ARMC6: variants seen among roughly 807,000 people sequenced by gnomAD.
The protein encoded by ARMC6 is armadillo repeat-containing protein 6.
Under a neutral mutation model 49.2 loss-of-function variants are expected in ARMC6, and 43 were observed. The observed-to-expected ratio is 0.87, with a 90% CI of 0.69 to 1.13. The LOEUF (loss-of-function observed/expected upper bound fraction) is 1.13. Among genes scored for constraint, ARMC6 ranks in the 50% most tolerant of loss-of-function variants. ARMC6 has a pLI of 0.00. For missense variants in ARMC6, 627 were observed against 682.0 expected, an observed-to-expected ratio of 0.92 and a Z score of 0.90; for synonymous variants, 262 against 289.6, an observed-to-expected ratio of 0.90 and a Z score of 0.97.
At chr19:19,034,007 C>T (rs2059306027) in intron 1 of ARMC6, 77 bp downstream of exon 1, 1 of 558,382 alleles carries the variant, frequency 1.8e-6, no homozygotes, top group African/African-American at 2.0e-5. Context: ...GCTGGCGCGA[C>T]CCTCGGGTAC....
intron 4 of ARMC6, among the ~76,000 whole-genome samples, chr19:19,045,104 A>G (rs1303633611): frequency 1.3e-5 from 2 of 151,886 alleles, no homozygotes; most frequent in Non-Finnish European, 2.9e-5. Context: ...TCCACCTCCC[A>G]GATTCAAGTG....
In ARMC6 at chr19:19,051,651, C is replaced by T. The variant is rs772851116; in HGVS notation, c.309C>T (p.Ala103=). The change falls in exon 5 of 9, where the codon GCC becomes GCT. Residue 103 remains alanine (A), a synonymous_variant. Transcript: ENST00000535612. ...TCAGTGACCTCCAGGAGTCTGTGGC[C>T]AGCTCTCGCCCCCAGGAGGTGTCAG... is the stretch of plus-strand genomic sequence containing the variant. The part of the protein sequence containing the change: ...QMLSDLQESV[A]SSRPQEVSAY... The T allele has an allele frequency of 1.8e-5, 29 of 1,608,264 alleles. No individual in the cohort carries two copies. The South Asian group carries it at 3.0e-4, about 17-fold the overall frequency.
chr19:19,054,160 GATA>G lies in ARMC6; in HGVS notation c.864_866del (p.Asn289del), dbSNP rs778287977. On this transcript the variant is annotated inframe_deletion, in exon 6 of 9. Coordinates refer to ENST00000535612, the MANE Select transcript of ARMC6 (RefSeq NM_001199196.2). ...TCCCTTTCTCCCTGCAGCGTTCCTG[GATA>G]ACCCTGGCATCCTGAGCGAGCTCTG... 103 of 1,578,180 alleles carry G rather than the reference GATA, an allele frequency of 6.5e-5. No homozygotes were observed. The highest frequency in any genetic ancestry group is 8.1e-5 in the Non-Finnish European group (94 of 1,161,730).
In ARMC6 at chr19:19,058,039, T is replaced by C. The variant is rs1568500141; in HGVS notation, c.*411T>C. On this transcript the variant is annotated 3_prime_UTR_variant, in exon 9 of 9. Coordinates refer to ENST00000535612, the MANE Select transcript of ARMC6 (RefSeq NM_001199196.2). ...GCGCCTGCTGCTTACTGCAGTTTCATGCAGGCCTCTGCTCCTTGTCTTTCT... is the reference window on the plus strand; with the variant it reads ...GCGCCTGCTGCTTACTGCAGTTTCACGCAGGCCTCTGCTCCTTGTCTTTCT... 1.3e-5 allele frequency: 4 copies of C among 316,372 alleles called. No homozygotes were observed. The highest frequency in any genetic ancestry group is 1.7e-4 in the East Asian group (2 of 11,604). The allele number at this position is 316,372 out of a possible 1,614,324, so 19.6% of individuals were successfully genotyped here. A position where few individuals can be genotyped will look rare whatever the true frequency, so the allele number is the denominator to read the frequency against.
At chr19:19,053,517 A>G (rs2059516574) in intron 5 of ARMC6, among the ~76,000 whole-genome samples, 1 of 152,056 alleles carries the variant, frequency 6.6e-6, no homozygotes, top group South Asian at 2.1e-4. Flanking sequence ...TAATAATAAT[A>G]GATAGCTGAT....
chr19:19,054,423 C>T (rs868573417), intron 6 of ARMC6, 102 bp downstream of exon 6: 24 of 1,269,366 alleles, frequency 1.9e-5, no homozygotes, highest in Non-Finnish European at 2.3e-5. Flanking sequence ...AGTGTCGGAA[C>T]CAAAGTGCAG....
intron 3 of ARMC6, among the ~76,000 whole-genome samples, chr19:19,043,134 C>T (rs2059423358): frequency 6.6e-6 from 1 of 152,214 alleles, no homozygotes; most frequent in East Asian, 1.9e-4. Flanking sequence ...CTTGAAGAGA[C>T]TTTCCCTGAC....
At chr19:19,054,346 C>A (rs552395674) in intron 6 of ARMC6, 25 bp downstream of exon 6, 1 of 1,490,198 alleles carries the variant, frequency 6.7e-7, no homozygotes, top group South Asian at 1.4e-5. Context: ...TGGCCCATTG[C>A]GTGCTGTCCT....
intron 2 of ARMC6, among the ~76,000 whole-genome samples, chr19:19,041,271 C>T (rs993910917): frequency 1.3e-5 from 2 of 152,196 alleles, no homozygotes; most frequent in Non-Finnish European, 2.9e-5. Context: ...TAAGAGAAAA[C>T]ACATGATGGG....
At chr19:19,049,554 T>C (rs1420772331) in intron 4 of ARMC6, among the ~76,000 whole-genome samples, 1 of 152,224 alleles carries the variant, frequency 6.6e-6, no homozygotes, top group Non-Finnish European at 1.5e-5. Context: ...ATTGTAACCA[T>C]TTTTAAATGT....
chr19:19,050,197 GTCTC>G (rs1421427301), intron 4 of ARMC6, among the ~76,000 whole-genome samples: 2 of 152,090 alleles, frequency 1.3e-5, no homozygotes, highest in East Asian at 1.9e-4. Context: ...TGGAGACAGA[GTCTC>G]TCTCTGTCGC....
chr19:19,038,531 T>C (rs1363352037), intron 2 of ARMC6, among the ~76,000 whole-genome samples: 1 of 152,222 alleles, frequency 6.6e-6, no homozygotes, highest in Admixed American at 6.5e-5. Context: ...TGTTGATACC[T>C]ACCCCTGGTT....
intron 2 of ARMC6, among the ~76,000 whole-genome samples, chr19:19,037,013 C>T (rs754705796): frequency 6.6e-5 from 10 of 151,910 alleles, no homozygotes; most frequent in Non-Finnish European, 2.9e-5. Context: ...TGGTGAAACC[C>T]TGTCTCTACT....
rs1038201401 is a variant in ARMC6, at chr19:19,057,358, C to T, written c.1294-58C>T. 13 of 1,465,438 alleles carry T rather than the reference C, an allele frequency of 8.9e-6. No individual in the cohort carries two copies. The African/African-American group carries it at 1.5e-4, about 17-fold the overall frequency. 90.8% of individuals were successfully genotyped at this position (1,465,438 alleles called of 1,614,324 possible). ...CTTGTTATGATGAAGACCCTGAGGT[C>T]AGAGTGGACCCCACCCCAAAGCCCC... On this transcript the variant is annotated intron_variant, in intron 8 of 8. Transcript: ENST00000535612.
At chr19:19,054,347 G>A (rs4808910) in intron 6 of ARMC6, 26 bp downstream of exon 6, 119,978 of 1,485,226 alleles carry the variant, frequency 0.081, 5,222 homozygotes, top group African/African-American at 0.1. Context: ...GGCCCATTGC[G>A]TGCTGTCCTT....
chr19:19,037,747 AC>A, intron 2 of ARMC6: 1 of 1,080,694 alleles, frequency 9.3e-7, no homozygotes, highest in Non-Finnish European at 1.2e-6. Flanking sequence ...AAAGTTGTTA[AC>A]CTCTGTTAGG....
chr19:19,038,898 TACAC>T (rs35676976), intron 2 of ARMC6, among the ~76,000 whole-genome samples: 81 of 147,284 alleles, frequency 5.5e-4, no homozygotes, highest in African/African-American at 5.0e-4. Flanking sequence ...TTTGTGTGTA[TACAC>T]ACACACACAC....
intron 4 of ARMC6, among the ~76,000 whole-genome samples, chr19:19,051,184 A>G (rs1216599752): frequency 1.3e-5 from 2 of 152,182 alleles, no homozygotes; most frequent in South Asian, 2.1e-4. Context: ...CTGTGTGACA[A>G]ACAACCCAAA....
chr19:19,039,350 T>A (rs2059394582), intron 2 of ARMC6: 1 of 453,922 alleles, frequency 2.2e-6, no homozygotes, highest in Admixed American at 2.4e-5. Context: ...TTGTCCTTGC[T>A]GGTCTCAAAC....
Sources: gnomAD v4.1 joint callset for allele counts (sites outside exome capture counted in the v4.1 genomes callset) on GRCh38, gnomAD v4.1.1 for gene constraint, MANE v1.5 for transcripts, NCBI Gene and HGNC (gene_info 2026-07-23, HGNC 2026-07-21) for gene names.